PAK3: variants seen among roughly 807,000 people sequenced by gnomAD.
The protein encoded by PAK3 is serine/threonine-protein kinase PAK 3.
A neutral mutation model predicts 41.0 loss-of-function variants in PAK3; 4 were observed. That is an observed-to-expected ratio of 0.10 (90% CI 0.05 to 0.22). The LOEUF is 0.22. PAK3 is among the 10% of genes least tolerant of loss of function. The pLI is 1.00. For synonymous variants in PAK3, 146 were observed against 139.6 expected, an observed-to-expected ratio of 1.05 and a Z score of -0.32; for missense variants, 205 against 409.9, an observed-to-expected ratio of 0.50 and a Z score of 4.32.
chrX:111,003,536 G>A (rs924334160), intron 1 of PAK3, among the ~76,000 whole-genome samples: 10 of 111,893 alleles, frequency 8.9e-5, no homozygotes, highest in Non-Finnish European at 1.9e-5. Context: ...CATAGTGAGA[G>A]TGAGCTCAGT....
intron 1 of PAK3, among the ~76,000 whole-genome samples, chrX:110,980,357 A>G (rs1190864384): frequency 8.9e-6 from 1 of 112,008 alleles, no homozygotes; most frequent in Non-Finnish European, 1.9e-5. Context: ...CTACCACAGT[A>G]ATTATCTAAT....
intron 1 of PAK3, among the ~76,000 whole-genome samples, chrX:111,045,260 G>A (rs2092486208): frequency 8.9e-6 from 1 of 112,198 alleles, no homozygotes; most frequent in South Asian, 3.7e-4. Context: ...GTGCTAAGGT[G>A]GTTTGACACA....
rs201891792 is a variant in PAK3 at position 111,219,986 on chromosome X, CAGTT to C, written c.1546-368_1546-365del. Among the ~76,000 whole-genome samples, 405 of 112,072 alleles carry C rather than the reference CAGTT, an allele frequency of 3.6e-3. 7 individuals are homozygous for C. In the East Asian group the frequency reaches 0.072, roughly 20 times the overall value. On this transcript the variant is annotated intron_variant, in intron 17 of 17. Transcript: ENST00000372007. ...GTAGAGGCACAGCCGTTGGGTTTAG[CAGTT>C]AGTAAGCCATTGGTTTCAGGACAGA...
At chrX:111,153,672 G>A (rs2094063226) in intron 8 of PAK3, among the ~76,000 whole-genome samples, 1 of 111,589 alleles carries the variant, frequency 9.0e-6, no homozygotes, top group African/African-American at 3.3e-5. Context: ...CATCACCCTG[G>A]GTAGCCAGTA....
intron 3 of PAK3, 61 bp downstream of exon 3, chrX:111,097,745 G>C (rs2093034836): frequency 9.0e-6 from 1 of 111,578 alleles, no homozygotes; most frequent in African/African-American, 3.3e-5. Flanking sequence ...CTGTGATTTG[G>C]TACTTGAGGC....
intron 1 of PAK3, among the ~76,000 whole-genome samples, chrX:111,070,941 A>G (rs922433325): frequency 8.0e-5 from 9 of 112,077 alleles, no homozygotes; most frequent in Non-Finnish European, 1.5e-4. Context: ...GACTCCCATA[A>G]TTGAGGGCAG....
chrX:111,164,302 A>G (rs2094225954), intron 10 of PAK3, among the ~76,000 whole-genome samples: 1 of 111,208 alleles, frequency 9.0e-6, no homozygotes. Context: ...GGTCAAGAAG[A>G]TAAAAAAAAA....
chrX:111,107,413 C>T (rs2093288886), intron 4 of PAK3, among the ~76,000 whole-genome samples: 1 of 112,126 alleles, frequency 8.9e-6, no homozygotes, highest in African/African-American at 3.2e-5. Flanking sequence ...TTTCAGTAGG[C>T]GTGGATAAAG....
intron 5 of PAK3, among the ~76,000 whole-genome samples, chrX:111,132,969 C>A (rs1311256270): frequency 9.0e-6 from 1 of 110,905 alleles, no homozygotes; most frequent in Non-Finnish European, 1.9e-5. Flanking sequence ...TGGGGAGGTC[C>A]TCCCCATTCC....
chrX:110,966,117 C>A (rs1259245821), intron 1 of PAK3, among the ~76,000 whole-genome samples: 1 of 111,804 alleles, frequency 8.9e-6, no homozygotes, highest in Non-Finnish European at 1.9e-5. Context: ...ATATGTGTCA[C>A]CTAAAAAAGA....
chrX:111,186,439 C>T (rs937719791), intron 11 of PAK3, among the ~76,000 whole-genome samples: 4 of 111,687 alleles, frequency 3.6e-5, no homozygotes, highest in Non-Finnish European at 7.5e-5. Context: ...GCAACTTCAG[C>T]AAAGTCTCAG....
In PAK3 at chrX:111,176,512, A is replaced by T. The variant is rs758496401; in HGVS notation, c.830+3431A>T. Among the ~76,000 whole-genome samples the T allele has an allele frequency of 3.6e-5, 4 of 111,438 alleles. No individual in the cohort carries two copies. In the South Asian group the frequency reaches 1.5e-3, roughly 43 times the overall value. ...GAACTTAAAGTAAAATTAAAAAAAT[A>T]AAAAAGAAAATGTTTGTCTTTCTAG... On this transcript the variant is annotated intron_variant, in intron 11 of 17. Transcript: ENST00000372007.
chrX:110,983,153 A>G (rs2091476293), intron 1 of PAK3, among the ~76,000 whole-genome samples: 2 of 111,742 alleles, frequency 1.8e-5, no homozygotes, highest in Non-Finnish European at 3.8e-5. Flanking sequence ...GTCTTCTGCT[A>G]TTAGATGTTA....
chrX:110,981,180 A>AGAATAT (rs2091441273), intron 1 of PAK3, among the ~76,000 whole-genome samples: 1 of 111,629 alleles, frequency 9.0e-6, no homozygotes, highest in Non-Finnish European at 1.9e-5. Context: ...GTACAGCAAA[A>AGAATAT]ACCAGAGGCC....
intron 4 of PAK3, among the ~76,000 whole-genome samples, chrX:111,122,703 G>C (rs187563742): frequency 1.7e-4 from 19 of 111,609 alleles, no homozygotes; most frequent in African/African-American, 6.2e-4. Context: ...CTCTGAGGAG[G>C]CTGATCACCT....
chrX:111,026,414 T>C (rs1487628029), intron 1 of PAK3, among the ~76,000 whole-genome samples: 1 of 111,469 alleles, frequency 9.0e-6, no homozygotes, highest in East Asian at 2.8e-4. Flanking sequence ...CTCTGAAGAC[T>C]CTTCCAAAAA....
intron 1 of PAK3, among the ~76,000 whole-genome samples, chrX:110,965,235 G>A (rs755622866): frequency 1.4e-4 from 16 of 112,029 alleles, no homozygotes; most frequent in South Asian, 7.6e-4. Context: ...CAAATGGGAC[G>A]GAGAAAATCA....
intron 4 of PAK3, among the ~76,000 whole-genome samples, chrX:111,109,991 A>G (rs73539082): frequency 8.9e-6 from 1 of 112,550 alleles, no homozygotes; most frequent in African/African-American, 3.2e-5. Context: ...ACCTTGGTCA[A>G]GTGACTTAAT....
intron 1 of PAK3, among the ~76,000 whole-genome samples, chrX:111,030,420 ATCC>A (rs2092326432): frequency 9.0e-6 from 1 of 111,606 alleles, no homozygotes; most frequent in African/African-American, 3.3e-5. Flanking sequence ...ATTGTTAAAG[ATCC>A]GATTTCCATA....
Sources: allele counts gnomAD v4.1 joint callset (sites outside exome capture counted in the v4.1 genomes callset), GRCh38; gene constraint gnomAD v4.1.1; transcripts MANE v1.5; gene names NCBI Gene and HGNC (gene_info 2026-07-23, HGNC 2026-07-21).